The following PCDH15 variants were observed in gnomAD, a reference collection of about 807,000 sequenced individuals.
PCDH15 encodes the protein protocadherin related 15, also known as protocadherin-15.
In PCDH15, 129 loss-of-function variants were observed where a neutral mutation model predicts 178.5. The ratio of observed to expected loss-of-function variants is 0.72; its 90% confidence interval spans 0.63 to 0.84. The LOEUF (loss-of-function observed/expected upper bound fraction) is 0.84. PCDH15 is among the 40% of genes least tolerant of loss of function. PCDH15 has a pLI of 0.00. For synonymous variants in PCDH15, 800 were observed against 732.0 expected (o/e 1.09, Z -1.50); for missense variants, 2,230 against 2,099.9 (o/e 1.06, Z -1.21).
intron 2 of PCDH15, among the ~76,000 whole-genome samples, chr10:54,553,015 A>G (rs577252285): frequency 4.6e-5 from 7 of 152,282 alleles, no homozygotes; most frequent in African/African-American, 1.7e-4. Context: ...GATTTTTTCC[A>G]TTCCTAATCA....
At chr10:55,088,473 C>G (rs1027266037) in intron 2 of PCDH15, among the ~76,000 whole-genome samples, 6 of 151,694 alleles carry the variant, frequency 4.0e-5, no homozygotes, top group Non-Finnish European at 5.9e-5. Flanking sequence ...GTGGTCTTAC[C>G]CTGTTGGCCA....
intron 2 of PCDH15, among the ~76,000 whole-genome samples, chr10:55,564,595 C>T (rs573945974): frequency 2.0e-5 from 3 of 151,652 alleles, no homozygotes; most frequent in African/African-American, 7.2e-5. Context: ...CATGATCCAA[C>T]TATATACTGT....
chr10:53,964,316 C>T (rs1439465191), intron 21 of PCDH15, among the ~76,000 whole-genome samples: 2 of 150,440 alleles, frequency 1.3e-5, no homozygotes, highest in Non-Finnish European at 1.5e-5. Context: ...TTGAATGTTA[C>T]CTGACCCATA....
At chr10:53,893,434 T>C (rs187876276) in intron 26 of PCDH15, among the ~76,000 whole-genome samples, 73 of 152,266 alleles carry the variant, frequency 4.8e-4, no homozygotes, top group African/African-American at 1.6e-3. Flanking sequence ...AAGACATGAG[T>C]ATATGTAAAA....
chr10:55,048,098 T>C (rs1375753622), intron 2 of PCDH15, among the ~76,000 whole-genome samples: 1 of 151,838 alleles, frequency 6.6e-6, no homozygotes, highest in Non-Finnish European at 1.5e-5. Context: ...TTGAATGCTC[T>C]GATACTTCTT....
At chr10:55,203,618 T>C (rs1235715373) in intron 1 of PCDH15, among the ~76,000 whole-genome samples, 1 of 152,060 alleles carries the variant, frequency 6.6e-6, no homozygotes, top group African/African-American at 2.4e-5. Context: ...TAAACAACTG[T>C]GGGTCAGAGA....
chr10:55,459,463 T>C (rs145429318), intron 2 of PCDH15, among the ~76,000 whole-genome samples: 2 of 152,160 alleles, frequency 1.3e-5, no homozygotes, highest in African/African-American at 2.4e-5. Context: ...TACTTTTTTA[T>C]GTAATTTGAA....
At chr10:54,003,835 T>A (rs1409597801) in intron 20 of PCDH15, among the ~76,000 whole-genome samples, 2 of 142,806 alleles carry the variant, frequency 1.4e-5, no homozygotes, top group African/African-American at 2.6e-5. Flanking sequence ...CAAAGAGACA[T>A]CCAAAAAAGA....
intron 5 of PCDH15, among the ~76,000 whole-genome samples, chr10:54,349,530 G>T (rs1425983066): frequency 2.6e-5 from 4 of 151,986 alleles, no homozygotes; most frequent in African/African-American, 7.2e-5. Context: ...TGATGAAAAG[G>T]CCACATAAAA....
chr10:55,579,361 G>C (rs895834676), intron 2 of PCDH15, among the ~76,000 whole-genome samples: 1 of 152,076 alleles, frequency 6.6e-6, no homozygotes, highest in Non-Finnish European at 1.5e-5. Flanking sequence ...TTAGTGTAAC[G>C]CTTCAAACAT....
At chr10:55,544,135 C>CATATATATATATATATAT (rs776630410) in intron 2 of PCDH15, among the ~76,000 whole-genome samples, 1 of 96,228 alleles carries the variant, frequency 1.0e-5, no homozygotes, top group African/African-American at 4.1e-5. Flanking sequence ...AAATCTTATA[C>CATATATATATATATATAT]ATACATATAT....
intron 2 of PCDH15, among the ~76,000 whole-genome samples, chr10:54,658,838 T>C (rs1180027841): frequency 6.6e-6 from 1 of 152,116 alleles, no homozygotes; most frequent in African/African-American, 2.4e-5. Context: ...ATAAAAGATA[T>C]CATTTTGCAA....
intron 1 of PCDH15, among the ~76,000 whole-genome samples, chr10:55,170,876 C>T (rs1016725731): frequency 9.9e-5 from 15 of 151,644 alleles, no homozygotes; most frequent in African/African-American, 3.4e-4. Flanking sequence ...AGGGAGACTC[C>T]ATCTCAAAAA....
At chr10:53,922,221 T>C (rs1195376495) in intron 25 of PCDH15, among the ~76,000 whole-genome samples, 1 of 152,192 alleles carries the variant, frequency 6.6e-6, no homozygotes, top group East Asian at 1.9e-4. Context: ...CTCTGTACAC[T>C]TATCTAAAGG....
At chr10:54,310,911 A>C (rs751058495) in intron 8 of PCDH15, among the ~76,000 whole-genome samples, 3 of 152,100 alleles carry the variant, frequency 2.0e-5, no homozygotes, top group Admixed American at 6.6e-5. Context: ...ATAAAAAAGC[A>C]AGAGAGGAGA....
chr10:54,816,199 A>G (rs372115705), intron 3 of PCDH15, among the ~76,000 whole-genome samples: 47 of 152,176 alleles, frequency 3.1e-4, no homozygotes, highest in African/African-American at 1.0e-3. Flanking sequence ...AGTGCCTGAC[A>G]TATTGGAGAT....
At chr10:54,631,685 G>A (rs1400012004) in intron 2 of PCDH15, among the ~76,000 whole-genome samples, 1 of 152,112 alleles carries the variant, frequency 6.6e-6, no homozygotes, top group Non-Finnish European at 1.5e-5. Flanking sequence ...GCCTGAGACT[G>A]GGTAATTTAT....
chr10:54,957,670 GA>G (rs1414929643), intron 2 of PCDH15, among the ~76,000 whole-genome samples: 1 of 151,386 alleles, frequency 6.6e-6, no homozygotes, highest in Admixed American at 6.6e-5. Context: ...GAAAATGCCA[GA>G]AAATACAATG....
intron 2 of PCDH15, among the ~76,000 whole-genome samples, chr10:55,567,885 A>T (rs1389261639): frequency 6.6e-6 from 1 of 152,016 alleles, no homozygotes; most frequent in African/African-American, 2.4e-5. Flanking sequence ...ATACCCATTT[A>T]GGATGGAAGC....
Sources: allele counts gnomAD v4.1 joint callset (sites outside exome capture counted in the v4.1 genomes callset), GRCh38; gene constraint gnomAD v4.1.1; transcripts MANE v1.5; gene names NCBI Gene and HGNC (gene_info 2026-07-23, HGNC 2026-07-21).